DYNC2H1: variants seen among roughly 807,000 people sequenced by gnomAD.
The protein encoded by DYNC2H1 is cytoplasmic dynein 2 heavy chain 1.
Under a neutral mutation model 570.0 loss-of-function variants are expected in DYNC2H1, and 410 were observed. That is an observed-to-expected ratio of 0.72 (90% CI 0.66 to 0.78). The LOEUF is 0.78. DYNC2H1 is among the 30% of genes least tolerant of loss of function. The pLI is 0.00. For missense variants in DYNC2H1, 4,865 were observed against 5,046.4 expected, an observed-to-expected ratio of 0.96 and a Z score of 1.09; for synonymous variants, 1,688 against 1,677.6, an observed-to-expected ratio of 1.01 and a Z score of -0.15.
Position 103,177,556 on chromosome 11 carries a change from A to T in DYNC2H1, c.5875A>T (p.Ile1959Phe). ...TATGAACATATTTCTTTCCTACTAG[A>T]TCAAAAAGGCTTTAGAATTGTATGA... The part of the protein sequence containing the change: ...EANYEIIPNQ[I>F]KKALELYEQL... Residue 1959 changes from isoleucine to phenylalanine, a missense_variant and splice_region_variant, in exon 38 of 89, where the codon ATC (isoleucine) becomes TTC (phenylalanine). Transcript: ENST00000375735. This position sits in a 1 kb window ranked among gnomAD's most constrained non-coding sequence, Gnocchi z 4.4. 6 of 1,600,646 alleles carry T rather than the reference A, an allele frequency of 3.7e-6. 1 individual carries two copies. The South Asian group carries it at 6.9e-5, about 18-fold the overall frequency.
At chr11:103,167,496 G>A (rs1213854403) in intron 31 of DYNC2H1, among the ~76,000 whole-genome samples, 1 of 152,010 alleles carries the variant, frequency 6.6e-6, no homozygotes, top group Non-Finnish European at 1.5e-5. Context: ...TCAAACTCCT[G>A]GGCTCAAGCA....
chr11:103,448,519 A>G (rs1944499254), intron 85 of DYNC2H1, among the ~76,000 whole-genome samples: 1 of 152,158 alleles, frequency 6.6e-6, no homozygotes, highest in Admixed American at 6.5e-5. Flanking sequence ...CCTAAGTCAA[A>G]CTATTTCTGT....
chr11:103,471,486 A>G (rs1945384157), intron 88 of DYNC2H1, among the ~76,000 whole-genome samples: 1 of 152,218 alleles, frequency 6.6e-6, no homozygotes, highest in African/African-American at 2.4e-5. Context: ...CAGTTTCCTC[A>G]TTTGAAAATG....
chr11:103,419,217 G>A (rs564782981), intron 84 of DYNC2H1, among the ~76,000 whole-genome samples: 1 of 152,194 alleles, frequency 6.6e-6, no homozygotes, highest in African/African-American at 2.4e-5. Flanking sequence ...GCTGGCTTGG[G>A]AGAATACAAA....
chr11:103,311,982 T>C lies in DYNC2H1; in HGVS notation c.11598T>C (p.Ser3866=). The C allele has an allele frequency of 6.2e-7, 1 of 1,613,696 alleles. No individual in the cohort carries two copies. Among genetic ancestry groups the C allele is most frequent in the Admixed American group, 1.7e-5 (1 of 59,970 alleles). ...CACATCGAGCTCATGCTCTCTTCAG[T>C]CTTGCATGGTTTCATGCTGCATGTC... ...DNTHRAHALF[S]LAWFHAACQE... Residue 3866 remains serine, a synonymous_variant, in exon 79 of 89, where the codon AGT becomes AGC. Coordinates refer to ENST00000375735, the MANE Select transcript of DYNC2H1 (RefSeq NM_001377.3).
chr11:103,239,630 A>G lies in DYNC2H1; in HGVS notation c.9819+3091A>G, dbSNP rs1302926801. Among the ~76,000 whole-genome samples the G allele has an allele frequency of 6.7e-6, 1 of 150,176 alleles. No homozygotes were observed. The highest frequency in any genetic ancestry group is 1.5e-5 in the Non-Finnish European group (1 of 67,608). On this transcript the variant is annotated intron_variant, in intron 63 of 88. Coordinates refer to ENST00000375735, the MANE Select transcript of DYNC2H1 (RefSeq NM_001377.3). The surrounding 1 kb of genome is among the most constrained non-coding windows in gnomAD (Gnocchi z 4.3). ...CAGGCCACCTAGCTCCTGTCTATAC[A>G]CTTCTCATAGGAGTGTGTGTGTGTG...
intron 75 of DYNC2H1, among the ~76,000 whole-genome samples, chr11:103,296,251 A>G (rs1423278859): frequency 2.0e-5 from 3 of 152,128 alleles, no homozygotes; most frequent in East Asian, 3.9e-4. Flanking sequence ...GAAGGGGACA[A>G]TTGCTGGAGG....
At chr11:103,221,837 C>T (rs1197250122) in intron 57 of DYNC2H1, among the ~76,000 whole-genome samples, 193 bp from the exon 58 acceptor site, 3 of 152,022 alleles carry the variant, frequency 2.0e-5, no homozygotes, top group African/African-American at 4.8e-5. Flanking sequence ...GCCTGGGTGA[C>T]AGAGCGAGAC....
chr11:103,412,450 C>CA (rs1285799791), intron 84 of DYNC2H1, among the ~76,000 whole-genome samples: 1 of 152,006 alleles, frequency 6.6e-6, no homozygotes, highest in Non-Finnish European at 1.5e-5. Flanking sequence ...AAATATACAG[C>CA]AAAAATTACA....
At chr11:103,255,639 C>T in intron 67 of DYNC2H1, 105 bp downstream of exon 67, 1 of 1,217,244 alleles carries the variant, frequency 8.2e-7, no homozygotes, top group Non-Finnish European at 1.1e-6. Flanking sequence ...TTTTTTTTTC[C>T]AAAGACATAT....
chr11:103,163,182 T>A lies in DYNC2H1; in HGVS notation c.4611+35T>A. ...CTTACGTGTAGAAGCTACATAGGCA[T>A]GGAACGTGGAAAGATCCCTGACCTA... On this transcript the variant is annotated intron_variant, in intron 30 of 88. Coordinates refer to ENST00000375735, the MANE Select transcript of DYNC2H1 (RefSeq NM_001377.3). The surrounding 1 kb of genome is among the most constrained non-coding windows in gnomAD (Gnocchi z 4.6). 6.3e-7 allele frequency: 1 copy of A among 1,576,004 alleles called. No homozygotes were observed. Among genetic ancestry groups the A allele is most frequent in the Non-Finnish European group, 8.6e-7 (1 of 1,161,004 alleles).
intron 84 of DYNC2H1, among the ~76,000 whole-genome samples, chr11:103,427,698 C>T (rs967304014): frequency 2.0e-5 from 3 of 152,004 alleles, no homozygotes; most frequent in African/African-American, 7.2e-5. Flanking sequence ...CAAGCCCTCT[C>T]ATATCTTTTT....
chr11:103,431,592 CAA>C (rs1943896909), intron 84 of DYNC2H1, among the ~76,000 whole-genome samples: 1 of 152,136 alleles, frequency 6.6e-6, no homozygotes. Context: ...TAACTAGGCT[CAA>C]AGACATCTTT....
At chr11:103,234,709 T>C (rs985689528) in intron 61 of DYNC2H1, among the ~76,000 whole-genome samples, 3 of 151,888 alleles carry the variant, frequency 2.0e-5, no homozygotes, top group African/African-American at 7.2e-5. Context: ...CTTCATAATA[T>C]CACCTACACC....
Position 103,158,667 on chromosome 11 carries a change from T to C in DYNC2H1, c.4128-10T>C. 6.6e-7 allele frequency: 1 copy of C among 1,518,730 alleles called. No homozygotes were observed. The highest frequency in any genetic ancestry group is 8.8e-7 in the Non-Finnish European group (1 of 1,130,166). The allele number at this position is 1,518,730 out of a possible 1,614,324, so 94.1% of individuals were successfully genotyped here. A position where few individuals can be genotyped will look rare whatever the true frequency, so the allele number is the denominator to read the frequency against. On this transcript the variant is annotated splice_polypyrimidine_tract_variant and intron_variant, in intron 26 of 88. Coordinates refer to ENST00000375735, the MANE Select transcript of DYNC2H1 (RefSeq NM_001377.3). ...AAGTAGATGTGAAGATACTTTTTTTTCTTTTGTAGATCAATAATGACTGAT... is the reference window on the plus strand; with the variant it reads ...AAGTAGATGTGAAGATACTTTTTTTCCTTTTGTAGATCAATAATGACTGAT...
At chr11:103,426,036 T>G (rs620219) in intron 84 of DYNC2H1, among the ~76,000 whole-genome samples, 84,141 of 151,626 alleles carry the variant, frequency 0.55, 23,962 homozygotes, top group East Asian at 0.72. Flanking sequence ...ATGAGGGCAA[T>G]GAACACCTGG....
chr11:103,214,767 C>A (rs1333283324), intron 54 of DYNC2H1, among the ~76,000 whole-genome samples: 1 of 151,128 alleles, frequency 6.6e-6, no homozygotes. Flanking sequence ...ACTTTTGATC[C>A]ATGAGCATGA....
Position 103,170,137 on chromosome 11 carries a change from A to G in DYNC2H1, c.4998A>G (p.Pro1666=). 2 of 1,612,926 alleles carry G rather than the reference A, an allele frequency of 1.2e-6. No individual in the cohort carries two copies. The highest frequency in any genetic ancestry group is 2.2e-5 in the East Asian group (1 of 44,724). The change falls in exon 33 of 89, where the codon CCA becomes CCG. Residue 1666 remains proline, a synonymous_variant. Transcript: ENST00000375735. This position sits in a 1 kb window ranked among gnomAD's most constrained non-coding sequence, Gnocchi z 4.8. ...QGNASKLVYT[P]LTDKCYLTLT... is the part of the protein sequence containing the mutation. ...ATGCTTCCAAACTGGTTTATACTCC[A>G]CTGACAGACAAGTGCTACTTAACTC...
intron 70 of DYNC2H1, among the ~76,000 whole-genome samples, chr11:103,266,418 C>A (rs1181223274): frequency 6.6e-6 from 1 of 151,804 alleles, no homozygotes; most frequent in Non-Finnish European, 1.5e-5. Context: ...CAAGCAGGAG[C>A]GGTCACTCAG....
Sources: allele counts gnomAD v4.1 joint callset (sites outside exome capture counted in the v4.1 genomes callset), GRCh38; gene constraint gnomAD v4.1.1; non-coding constraint Gnocchi (gnomAD v3.1); transcripts MANE v1.5; gene names NCBI Gene and HGNC (gene_info 2026-07-23, HGNC 2026-07-21).